The following PPP2R5E variants were observed in gnomAD, a reference collection of about 807,000 sequenced individuals.
PPP2R5E encodes serine/threonine-protein phosphatase 2A 56 kDa regulatory subunit epsilon isoform.
Under a neutral mutation model 65.3 loss-of-function variants are expected in PPP2R5E, and 4 were observed. The observed-to-expected ratio is 0.06, with a 90% CI of 0.03 to 0.14. The LOEUF (loss-of-function observed/expected upper bound fraction) is 0.14, where lower values mean the gene tolerates loss of function less well. Among genes scored for constraint, PPP2R5E ranks in the 10% least tolerant of loss-of-function variants. PPP2R5E has a pLI of 1.00. For synonymous variants in PPP2R5E, 183 were observed against 187.4 expected (o/e 0.98, Z 0.19); for missense variants, 274 against 556.1 (o/e 0.49, Z 5.10).
At chr14:63,490,317 A>G (rs145434826) in intron 2 of PPP2R5E, among the ~76,000 whole-genome samples, 1 of 152,242 alleles carries the variant, frequency 6.6e-6, no homozygotes, top group Admixed American at 6.5e-5. Context: ...AGATCTCAAA[A>G]CTATAAAAAT....
At chr14:63,522,078 C>A (rs997077558) in intron 2 of PPP2R5E, among the ~76,000 whole-genome samples, 3 of 149,434 alleles carry the variant, frequency 2.0e-5, no homozygotes, top group African/African-American at 4.9e-5. Flanking sequence ...CGAGTGCCTG[C>A]GATTGCAGGC....
intron 2 of PPP2R5E, among the ~76,000 whole-genome samples, chr14:63,501,273 C>T (rs995912775): frequency 2.0e-5 from 3 of 151,796 alleles, no homozygotes; most frequent in Non-Finnish European, 4.4e-5. Flanking sequence ...GGCGTGGTGG[C>T]GAGCGCCTGT....
intron 2 of PPP2R5E, among the ~76,000 whole-genome samples, chr14:63,497,066 C>G (rs1414263639): frequency 1.3e-5 from 2 of 152,084 alleles, no homozygotes; most frequent in Non-Finnish European, 2.9e-5. Context: ...ATGGAACATT[C>G]TAAATTGCTA....
chr14:63,429,848 AATT>A (rs998067836), intron 3 of PPP2R5E, among the ~76,000 whole-genome samples: 13 of 152,082 alleles, frequency 8.5e-5, no homozygotes, highest in African/African-American at 3.1e-4. Context: ...ACGTCCAGCT[AATT>A]TTTTGTATTT....
chr14:63,535,645 T>C (rs777039264), intron 2 of PPP2R5E, among the ~76,000 whole-genome samples: 18 of 152,142 alleles, frequency 1.2e-4, no homozygotes, highest in Non-Finnish European at 2.5e-4. Context: ...AGTTACATAA[T>C]CACTGTTTGT....
chr14:63,394,598 C>T (rs944772450), intron 7 of PPP2R5E, among the ~76,000 whole-genome samples: 4 of 152,194 alleles, frequency 2.6e-5, no homozygotes, highest in Non-Finnish European at 4.4e-5. Context: ...ATGACCTTTT[C>T]CATTTCCAGA....
chr14:63,400,378 AAG>A (rs1172748079), intron 5 of PPP2R5E, among the ~76,000 whole-genome samples: 14 of 152,196 alleles, frequency 9.2e-5, no homozygotes, highest in Admixed American at 7.9e-4. Flanking sequence ...CTTCTAAAGG[AAG>A]AGACATCCAG....
intron 2 of PPP2R5E, among the ~76,000 whole-genome samples, chr14:63,528,891 C>A (rs1893294378): frequency 6.6e-6 from 1 of 152,064 alleles, no homozygotes; most frequent in African/African-American, 2.4e-5. Context: ...ATAAGAAAAA[C>A]AAGATTTCTA....
intron 8 of PPP2R5E, among the ~76,000 whole-genome samples, chr14:63,393,542 T>A (rs1223067988): frequency 6.6e-6 from 1 of 151,954 alleles, no homozygotes; most frequent in East Asian, 1.9e-4. Flanking sequence ...TAAAACCCCG[T>A]CTCTACTAAA....
At chr14:63,422,658 C>T (rs1048815904) in intron 3 of PPP2R5E, among the ~76,000 whole-genome samples, 9 of 144,290 alleles carry the variant, frequency 6.2e-5, no homozygotes, top group African/African-American at 1.8e-4. Context: ...CCCCGGAGGA[C>T]GGAGCCTGCA....
intron 2 of PPP2R5E, among the ~76,000 whole-genome samples, chr14:63,495,937 G>A (rs952348707): frequency 2.0e-5 from 3 of 152,014 alleles, no homozygotes; most frequent in African/African-American, 4.8e-5. Flanking sequence ...CGATCCTCCC[G>A]CCTCAGCCTT....
intron 3 of PPP2R5E, among the ~76,000 whole-genome samples, chr14:63,442,532 C>G (rs979968819): frequency 6.6e-5 from 10 of 152,064 alleles, no homozygotes; most frequent in African/African-American, 2.4e-4. Flanking sequence ...TGGTTTCAGT[C>G]ACCCATGGAA....
chr14:63,375,327 C>G lies in PPP2R5E; in HGVS notation c.*682G>C, dbSNP rs1437751640. Reference sequence around the variant, plus strand: ...AACTGATGCATGAATCCGATATTCCCTTCCCTACTATGTTTATCACCTCTT... The same window carrying G: ...AACTGATGCATGAATCCGATATTCCGTTCCCTACTATGTTTATCACCTCTT... On this transcript the variant is annotated 3_prime_UTR_variant, in exon 14 of 14. Coordinates refer to ENST00000337537, the MANE Select transcript of PPP2R5E (RefSeq NM_006246.5). 1 of 152,570 alleles carries G rather than the reference C, an allele frequency of 6.6e-6. No individual in the cohort carries two copies. The highest frequency in any genetic ancestry group is 2.4e-5 in the African/African-American group (1 of 41,434). The allele number at this position is 152,570 out of a possible 1,614,324, so 9.5% of individuals were successfully genotyped here.
intron 2 of PPP2R5E, among the ~76,000 whole-genome samples, chr14:63,530,864 G>A (rs542636706): frequency 2.0e-5 from 3 of 151,744 alleles, no homozygotes; most frequent in African/African-American, 7.3e-5. Context: ...TGATCCACCC[G>A]CCTCAGCCTC....
chr14:63,396,878 G>C (rs1885424783), intron 5 of PPP2R5E, among the ~76,000 whole-genome samples, 162 bp from the exon 6 acceptor site: 1 of 152,152 alleles, frequency 6.6e-6, no homozygotes, highest in African/African-American at 2.4e-5. Flanking sequence ...TGATAAACAA[G>C]TCAGACAAGG....
chr14:63,459,288 A>G (rs1298374155), intron 2 of PPP2R5E, among the ~76,000 whole-genome samples: 7 of 152,186 alleles, frequency 4.6e-5, no homozygotes, highest in Admixed American at 3.9e-4. Flanking sequence ...ATTGCTATCA[A>G]TTTTACCTCT....
At chr14:63,470,723 TAA>T (rs35190574) in intron 2 of PPP2R5E, among the ~76,000 whole-genome samples, 40,672 of 124,310 alleles carry the variant, frequency 0.33, 7,189 homozygotes, top group African/African-American at 0.54. Context: ...ATCAACAGAT[TAA>T]AAAAAAAAAA....
intron 3 of PPP2R5E, among the ~76,000 whole-genome samples, chr14:63,443,419 C>T (rs1405450851): frequency 6.6e-6 from 1 of 152,136 alleles, no homozygotes; most frequent in African/African-American, 2.4e-5. Flanking sequence ...AGGTTGAACA[C>T]TTTTTGTAGG....
intron 11 of PPP2R5E, 116 bp from the exon 12 acceptor site, chr14:63,384,687 G>T: frequency 1.2e-6 from 1 of 803,606 alleles, no homozygotes; most frequent in Non-Finnish European, 1.9e-6. Context: ...CATTCAATTA[G>T]AGGTAAAATT....
Sources: gnomAD v4.1 joint callset for allele counts (sites outside exome capture counted in the v4.1 genomes callset) on GRCh38, gnomAD v4.1.1 for gene constraint, MANE v1.5 for transcripts, NCBI Gene and HGNC (gene_info 2026-07-23, HGNC 2026-07-21) for gene names.